CDH8: variants seen among roughly 807,000 people sequenced by gnomAD.
CDH8 encodes cadherin-8.
Under a neutral mutation model 68.1 loss-of-function variants are expected in CDH8, and 17 were observed. The ratio of observed to expected loss-of-function variants is 0.25; its 90% CI spans 0.17 to 0.37. The LOEUF (loss-of-function observed/expected upper bound fraction) is 0.37. CDH8 is among the 10% of genes least tolerant of loss of function. CDH8 has a pLI of 1.00. For synonymous variants in CDH8, 372 were observed against 365.1 expected (o/e 1.02, Z -0.21); for missense variants, 763 against 999.3 (o/e 0.76, Z 3.19).
At chr16:61,964,322 G>A (rs1437970092) in intron 2 of CDH8, among the ~76,000 whole-genome samples, 1 of 152,114 alleles carries the variant, frequency 6.6e-6, no homozygotes. Flanking sequence ...GGCAGTTCAG[G>A]GCACCAGGTG....
At chr16:61,689,610 A>G (rs1964178270) in intron 10 of CDH8, among the ~76,000 whole-genome samples, 1 of 152,190 alleles carries the variant, frequency 6.6e-6, no homozygotes, top group South Asian at 2.1e-4. Context: ...ATGAGCTCAA[A>G]GATATTTGTT....
chr16:61,797,621 A>G (rs1057363875), intron 7 of CDH8, among the ~76,000 whole-genome samples: 3 of 152,150 alleles, frequency 2.0e-5, no homozygotes, highest in African/African-American at 7.2e-5. Context: ...AAATGAGAGT[A>G]TGCAATCAAG....
At chr16:61,811,023 C>CAAAAA (rs34071898) in intron 7 of CDH8, among the ~76,000 whole-genome samples, 2 of 87,688 alleles carry the variant, frequency 2.3e-5, no homozygotes, top group Non-Finnish European at 4.8e-5. Context: ...GACTCTGTCT[C>CAAAAA]AAAAAAAAAA....
intron 2 of CDH8, among the ~76,000 whole-genome samples, chr16:62,017,023 G>T (rs1901958247): frequency 6.6e-6 from 1 of 152,162 alleles, no homozygotes; most frequent in Non-Finnish European, 1.5e-5. Context: ...TCATATGAAA[G>T]AGAGAACATG....
intron 6 of CDH8, among the ~76,000 whole-genome samples, 193 bp downstream of exon 6, chr16:61,820,733 T>A (rs1300120759): frequency 6.6e-6 from 1 of 151,908 alleles, no homozygotes; most frequent in African/African-American, 2.4e-5. Context: ...ACTAGACCTT[T>A]AGCAGAAATG....
chr16:61,701,964 C>A (rs1964437144), intron 10 of CDH8, among the ~76,000 whole-genome samples: 1 of 152,158 alleles, frequency 6.6e-6, no homozygotes, highest in Admixed American at 6.5e-5. Context: ...TCTTCTATAA[C>A]AATTTCTATG....
Position 61,647,490 on chromosome 16 carries a change from C to A in CDH8, c.*6118G>T. On this transcript the variant is annotated 3_prime_UTR_variant, in exon 12 of 12. Transcript: ENST00000577390. ...AAGGTGGGGGGGGTGATCCCAGTGA[C>A]TCCTAAATTGTCATGTTCCATCTTA... 7.5e-6 allele frequency: 2 copies of A among 266,380 alleles called. No individual in the cohort carries two copies. Among genetic ancestry groups the A allele is most frequent in the Non-Finnish European group, 7.0e-6 (1 of 141,922 alleles). 16.5% of individuals were successfully genotyped at this position (266,380 alleles called of 1,614,324 possible).
At position 61,652,394 on chromosome 16, in the gene CDH8, T is replaced by G. The variant is rs1963340907; in HGVS notation, c.*1214A>C. 1.0e-6 allele frequency: 1 copy of G among 984,964 alleles called. No individual in the cohort carries two copies. The highest frequency in any genetic ancestry group is 1.7e-5 in the African/African-American group (1 of 57,200). The allele number at this position is 984,964 out of a possible 1,614,324, so 61.0% of individuals were successfully genotyped here. The stretch of plus-strand genomic sequence containing the variant: ...TGTAGGTATCTAAAAGTCTAGAGTT[T>G]AAATATTCACAGGAATCAATATACT... On this transcript the variant is annotated 3_prime_UTR_variant, in exon 12 of 12. Transcript: ENST00000577390.
At chr16:61,975,252 A>G (rs1369476808) in intron 2 of CDH8, among the ~76,000 whole-genome samples, 3 of 152,138 alleles carry the variant, frequency 2.0e-5, no homozygotes, top group African/African-American at 7.2e-5. Flanking sequence ...AAAGAAAAAA[A>G]CCGAAAGAGA....
intron 1 of CDH8, among the ~76,000 whole-genome samples, chr16:62,027,659 A>G (rs1902226020): frequency 6.6e-6 from 1 of 152,204 alleles, no homozygotes; most frequent in African/African-American, 2.4e-5. Context: ...TCAAAGTGGT[A>G]TTTCACGAAA....
At chr16:61,667,796 G>A (rs1963709096) in intron 10 of CDH8, 1 of 152,004 alleles carries the variant, frequency 6.6e-6, no homozygotes, top group Non-Finnish European at 1.5e-5. Flanking sequence ...GTCACAGCAA[G>A]GCATTCTTAT....
chr16:61,938,603 C>G (rs1009303387), intron 2 of CDH8, among the ~76,000 whole-genome samples: 1 of 152,158 alleles, frequency 6.6e-6, no homozygotes, highest in South Asian at 2.1e-4. Context: ...AATAATTAAG[C>G]TAGAAATAAA....
chr16:61,743,802 T>C (rs1428108066), intron 8 of CDH8, among the ~76,000 whole-genome samples: 3 of 152,196 alleles, frequency 2.0e-5, no homozygotes, highest in Non-Finnish European at 4.4e-5. Flanking sequence ...AATTTCCCTG[T>C]AGGCACTCTG....
At position 61,651,979 on chromosome 16, in the gene CDH8, A is replaced by G. The variant is rs1055428713; in HGVS notation, c.*1629T>C. 1 of 619,864 alleles carries G rather than the reference A, an allele frequency of 1.6e-6. No individual in the cohort carries two copies. Among genetic ancestry groups the G allele is most frequent in the African/African-American group, 2.0e-5 (1 of 49,696 alleles). 38.4% of individuals were successfully genotyped at this position (619,864 alleles called of 1,614,324 possible). A position where few individuals can be genotyped will look rare whatever the true frequency, so the allele number is the denominator to read the frequency against. On this transcript the variant is annotated 3_prime_UTR_variant, in exon 12 of 12. Coordinates refer to ENST00000577390, the MANE Select transcript of CDH8 (RefSeq NM_001796.5). ...TGATGATTCTGTTAATAGATCTTCC[A>G]CTGATTGAAAAAAAAATTAATGACA...
chr16:61,879,920 T>C (rs953773972), intron 3 of CDH8, among the ~76,000 whole-genome samples: 3 of 151,632 alleles, frequency 2.0e-5, no homozygotes, highest in Non-Finnish European at 4.4e-5. Context: ...GTTTTTTTTG[T>C]TCTGGTTTGG....
At chr16:61,656,417 T>C (rs1596835969) in intron 10 of CDH8, among the ~76,000 whole-genome samples, 1 of 152,228 alleles carries the variant, frequency 6.6e-6, no homozygotes, top group Admixed American at 6.5e-5. Context: ...TAAAATGTCA[T>C]CATATTTGAA....
At chr16:61,698,771 A>G (rs190879821) in intron 10 of CDH8, among the ~76,000 whole-genome samples, 4 of 152,132 alleles carry the variant, frequency 2.6e-5, no homozygotes, top group Admixed American at 2.6e-4. Flanking sequence ...TCCTCCAAGG[A>G]CTTATGACTT....
chr16:61,653,445 T>G lies in CDH8; in HGVS notation c.*163A>C, dbSNP rs1963368838. 7.1e-7 allele frequency: 1 copy of G among 1,414,882 alleles called. No homozygotes were observed. 87.6% of individuals were successfully genotyped at this position (1,414,882 alleles called of 1,614,324 possible). A position where few individuals can be genotyped will look rare whatever the true frequency, so the allele number is the denominator to read the frequency against. On this transcript the variant is annotated 3_prime_UTR_variant, in exon 12 of 12. Coordinates refer to ENST00000577390, the MANE Select transcript of CDH8 (RefSeq NM_001796.5). Reference sequence around the variant, plus strand: ...AACCTCCTAACATATACTTTTTTATTTTATTATCTTTTTTTGGTTCAACAT... The same window carrying G: ...AACCTCCTAACATATACTTTTTTATGTTATTATCTTTTTTTGGTTCAACAT...
chr16:61,747,184 G>A (rs763017369), intron 8 of CDH8, among the ~76,000 whole-genome samples: 1 of 152,078 alleles, frequency 6.6e-6, no homozygotes, highest in Admixed American at 6.6e-5. Flanking sequence ...AAGGTAACTA[G>A]AGATAGAATA....
Sources: gnomAD v4.1 joint callset for allele counts (sites outside exome capture counted in the v4.1 genomes callset) on GRCh38, gnomAD v4.1.1 for gene constraint, MANE v1.5 for transcripts, NCBI Gene and HGNC (gene_info 2026-07-23, HGNC 2026-07-21) for gene names.